The following POLQ variants were observed in gnomAD, a reference collection of about 807,000 sequenced individuals.
POLQ encodes DNA polymerase theta, also known as epididymis secretory sperm binding protein.
POLQ carries 233 observed loss-of-function variants against 259.2 expected under a neutral mutation model. The ratio of observed to expected loss-of-function variants is 0.90; its 90% CI spans 0.81 to 1.00. POLQ has a LOEUF of 1.00. POLQ is among the 50% of genes least tolerant of loss of function. The pLI is 0.00. For synonymous variants in POLQ, 1,025 were observed against 1,048.8 expected, an observed-to-expected ratio of 0.98 and a Z score of 0.44; for missense variants, 2,871 against 3,051.6, an observed-to-expected ratio of 0.94 and a Z score of 1.39.
intron 26 of POLQ, among the ~76,000 whole-genome samples, chr3:121,442,230 A>G (rs891860449): frequency 3.3e-5 from 5 of 152,236 alleles, no homozygotes; most frequent in African/African-American, 1.2e-4. Context: ...CAGGCATGCA[A>G]TGCATAATAA....
chr3:121,500,056 G>A (rs887204722), intron 12 of POLQ, among the ~76,000 whole-genome samples: 15 of 152,148 alleles, frequency 9.9e-5, no homozygotes, highest in African/African-American at 3.4e-4. Flanking sequence ...TGAGAGGGGA[G>A]GACCACTTGA....
At chr3:121,465,600 G>A (rs914828361) in intron 24 of POLQ, among the ~76,000 whole-genome samples, 6 of 152,038 alleles carry the variant, frequency 3.9e-5, no homozygotes, top group African/African-American at 1.4e-4. Flanking sequence ...CCAACAGCAT[G>A]TGCTCACTCT....
At chr3:121,433,213 C>T (rs1304066367) in intron 28 of POLQ, among the ~76,000 whole-genome samples, 180 bp from the exon 29 acceptor site, 2 of 152,148 alleles carry the variant, frequency 1.3e-5, no homozygotes, top group Non-Finnish European at 2.9e-5. Context: ...CCGGTATAAA[C>T]TCACAAACTT....
At chr3:121,484,028 C>T (rs1296168999) in intron 17 of POLQ, among the ~76,000 whole-genome samples, 1 of 151,934 alleles carries the variant, frequency 6.6e-6, no homozygotes, top group Non-Finnish European at 1.5e-5. Flanking sequence ...ATATTTCATG[C>T]TTACTAAGGA....
At chr3:121,474,935 T>C (rs1020905805) in intron 20 of POLQ, among the ~76,000 whole-genome samples, 3 of 152,218 alleles carry the variant, frequency 2.0e-5, no homozygotes, top group African/African-American at 7.2e-5. Context: ...GATGTTTTGA[T>C]GTAAGTATAC....
At chr3:121,464,314 G>C (rs2047817619) in intron 24 of POLQ, among the ~76,000 whole-genome samples, 1 of 152,004 alleles carries the variant, frequency 6.6e-6, no homozygotes, top group African/African-American at 2.4e-5. Context: ...ATCACTCCTG[G>C]AGGAGCCCAG....
In POLQ at chr3:121,483,527, G is replaced by C. The variant is rs2047987067; in HGVS notation, c.5829C>G (p.Asp1943Glu). ...AGCAAGATTGAAGGTACCACATCCT[G>C]TCTTTCAAAGTCAGGCTTGGATCTA... ...PSLDPSLTLK[D>E]RMWYLQSCLR... Residue 1943 changes from aspartate to glutamate, a missense_variant, in exon 18 of 30, where the codon GAC becomes GAG. By Grantham distance (45) the Asp-to-Glu change is conservative. Transcript: ENST00000264233. The C allele has an allele frequency of 6.3e-7, 1 of 1,592,800 alleles. No homozygotes were observed. Among genetic ancestry groups the C allele is most frequent in the South Asian group, 1.2e-5 (1 of 86,048 alleles).
chr3:121,479,626 G>T (rs529622239), intron 19 of POLQ, among the ~76,000 whole-genome samples: 2 of 151,474 alleles, frequency 1.3e-5, no homozygotes, highest in African/African-American at 4.8e-5. Context: ...GCTAATTTTT[G>T]ATTTTTAGTA....
At chr3:121,494,028 T>C in intron 14 of POLQ, 1 of 614,004 alleles carries the variant, frequency 1.6e-6, no homozygotes, top group Non-Finnish European at 2.9e-6. Flanking sequence ...CTCACCCTAA[T>C]TCATTCCTCT....
intron 19 of POLQ, among the ~76,000 whole-genome samples, 196 bp from the exon 20 acceptor site, chr3:121,476,929 C>T (rs2047932285): frequency 1.3e-5 from 2 of 152,162 alleles, no homozygotes; most frequent in African/African-American, 2.4e-5. Flanking sequence ...TAGCACTGGA[C>T]AACTATCCTT....
chr3:121,513,160 A>C (rs1174504982), intron 9 of POLQ, among the ~76,000 whole-genome samples: 5 of 152,194 alleles, frequency 3.3e-5, no homozygotes, highest in Non-Finnish European at 7.3e-5. Flanking sequence ...CAGTGCTGGA[A>C]TATCCTTACC....
chr3:121,529,026 CAT>C (rs1222428084), intron 7 of POLQ, among the ~76,000 whole-genome samples: 1 of 152,040 alleles, frequency 6.6e-6, no homozygotes, highest in African/African-American at 2.4e-5. Context: ...CTAGTATCTA[CAT>C]ATGTTTTAGG....
At chr3:121,541,941 A>T (rs968761870) in intron 2 of POLQ, among the ~76,000 whole-genome samples, 3 of 152,030 alleles carry the variant, frequency 2.0e-5, no homozygotes, top group Non-Finnish European at 4.4e-5. Flanking sequence ...CCTGGACAAC[A>T]TGGTAAAACC....
intron 5 of POLQ, among the ~76,000 whole-genome samples, chr3:121,533,522 T>A (rs2048427031): frequency 6.6e-6 from 1 of 152,188 alleles, no homozygotes; most frequent in Non-Finnish European, 1.5e-5. Context: ...CGTGGTAGTA[T>A]TTCTTTTTTT....
chr3:121,521,345 T>C (rs1052758213), intron 8 of POLQ, among the ~76,000 whole-genome samples: 6 of 152,164 alleles, frequency 3.9e-5, no homozygotes, highest in Admixed American at 3.9e-4. Flanking sequence ...ACTGAGGATC[T>C]TGGAACATAT....
intron 26 of POLQ, among the ~76,000 whole-genome samples, chr3:121,444,911 CAT>C (rs1282745151): frequency 2.0e-5 from 3 of 152,138 alleles, no homozygotes; most frequent in Non-Finnish European, 4.4e-5. Flanking sequence ...GATAGATTTG[CAT>C]ATGTTGAACC....
At chr3:121,545,118 A>C (rs1009730528) in intron 1 of POLQ, among the ~76,000 whole-genome samples, 1 of 152,170 alleles carries the variant, frequency 6.6e-6, no homozygotes, top group Admixed American at 6.5e-5. Context: ...TAAAAGCCTC[A>C]AACGAACAAA....
intron 12 of POLQ, among the ~76,000 whole-genome samples, chr3:121,502,838 AG>A (rs1433394931): frequency 2.0e-5 from 3 of 152,232 alleles, no homozygotes; most frequent in Admixed American, 6.5e-5. Context: ...GCACAAAAAA[AG>A]GAATCAAAAT....
chr3:121,478,071 G>T (rs1457310782), intron 19 of POLQ, among the ~76,000 whole-genome samples: 1 of 152,140 alleles, frequency 6.6e-6, no homozygotes, highest in Admixed American at 6.5e-5. Context: ...CCATTAGGAA[G>T]GAGCAAGGTC....
Sources: allele counts gnomAD v4.1 joint callset (sites outside exome capture counted in the v4.1 genomes callset), GRCh38; gene constraint gnomAD v4.1.1; transcripts MANE v1.5; gene names NCBI Gene and HGNC (gene_info 2026-07-23, HGNC 2026-07-21).